Variants in NTF3 observed in about 807,000 individuals in gnomAD.
NTF3 encodes the protein neurotrophin-3.
A neutral mutation model predicts 26.3 loss-of-function variants in NTF3; 8 were observed. The observed-to-expected ratio is 0.30, with a 90% confidence interval of 0.18 to 0.55. The LOEUF is 0.55. Ranked by LOEUF, NTF3 falls within the 20% of genes least tolerant of loss-of-function variation. The pLI, the probability that NTF3 is intolerant of heterozygous loss-of-function variation, is 0.93. For synonymous variants in NTF3, 154 were observed against 145.5 expected (o/e 1.06, Z -0.42); for missense variants, 276 against 352.9 (o/e 0.78, Z 1.75).
At chr12:5,453,492 G>T (rs1316913042) in intron 1 of NTF3, among the ~76,000 whole-genome samples, 1 of 152,048 alleles carries the variant, frequency 6.6e-6, no homozygotes, top group Non-Finnish European at 1.5e-5. Context: ...CAGTTTATTT[G>T]TTCCAGTTGG....
chr12:5,463,559 G>C (rs1434213080), intron 1 of NTF3, among the ~76,000 whole-genome samples: 1 of 152,166 alleles, frequency 6.6e-6, no homozygotes, highest in Non-Finnish European at 1.5e-5. Flanking sequence ...AGGAGGGACA[G>C]ACAGAAGGAA....
chr12:5,486,540 T>C (rs936422088), intron 1 of NTF3, among the ~76,000 whole-genome samples: 1 of 152,228 alleles, frequency 6.6e-6, no homozygotes, highest in Non-Finnish European at 1.5e-5. Context: ...TACAGTTGTA[T>C]AGCATTTTGC....
In NTF3 at chr12:5,494,523, G is replaced by A. The variant is rs547929204; in HGVS notation, c.348G>A (p.Arg116=). The change falls in exon 2 of 2, where the codon CGG becomes CGA. Residue 116 remains arginine, a synonymous_variant. Coordinates refer to ENST00000423158, the MANE Select transcript of NTF3 (RefSeq NM_001102654.2). This position sits in a 1 kb window ranked among gnomAD's most constrained non-coding sequence, Gnocchi z 8.3. ...AACAGAGACGCTACAACTCACCGCG[G>A]GTCCTGCTGAGCGACAGCACCCCCT... ...LRQQRRYNSP[R]VLLSDSTPLE... is the part of the protein sequence containing the mutation. 1 of 1,614,000 alleles carries A rather than the reference G, an allele frequency of 6.2e-7. No individual in the cohort carries two copies. Among genetic ancestry groups the A allele is most frequent in the Non-Finnish European group, 8.5e-7 (1 of 1,180,016 alleles).
chr12:5,431,963 G>GT (rs978303702), upstream of NTF3: 3 of 113,944 alleles, frequency 2.6e-5, no homozygotes, highest in African/African-American at 9.6e-5. Flanking sequence ...AGTGAGGGCG[G>GT]GGGGGGGGCT....
intron 1 of NTF3, among the ~76,000 whole-genome samples, chr12:5,435,505 TG>T (rs1350455030): frequency 6.6e-6 from 1 of 152,136 alleles, no homozygotes; most frequent in East Asian, 1.9e-4. Flanking sequence ...TTGTAAAAAG[TG>T]GGGCATAAAG....
At chr12:5,490,214 G>A (rs993512338) in intron 1 of NTF3, among the ~76,000 whole-genome samples, 6 of 152,180 alleles carry the variant, frequency 3.9e-5, no homozygotes, top group African/African-American at 1.2e-4. Context: ...CCAAAACCAG[G>A]CTTGGCAAAA....
intron 1 of NTF3, among the ~76,000 whole-genome samples, chr12:5,446,042 T>C (rs1021475377): frequency 3.3e-5 from 5 of 152,140 alleles, no homozygotes; most frequent in African/African-American, 4.8e-5. Context: ...CCAGCATCCA[T>C]AGGGCAGTAA....
chr12:5,453,640 G>A (rs1940402086), intron 1 of NTF3, among the ~76,000 whole-genome samples: 1 of 152,232 alleles, frequency 6.6e-6, no homozygotes, highest in Non-Finnish European at 1.5e-5. Flanking sequence ...GTTTTGGGTA[G>A]TGAGAGGATT....
intron 1 of NTF3, among the ~76,000 whole-genome samples, chr12:5,481,545 AC>A (rs1940798223): frequency 7.3e-6 from 1 of 136,172 alleles, no homozygotes; most frequent in Non-Finnish European, 1.6e-5. Flanking sequence ...TTCACAGAAT[AC>A]ATATATGCAC....
chr12:5,470,092 T>G (rs1940645626), intron 1 of NTF3, among the ~76,000 whole-genome samples: 1 of 152,104 alleles, frequency 6.6e-6, no homozygotes, highest in South Asian at 2.1e-4. Context: ...GCCTGGCTAA[T>G]TTTTTGTATT....
At chr12:5,480,959 CAT>C (rs1041251851) in intron 1 of NTF3, among the ~76,000 whole-genome samples, 61 of 152,142 alleles carry the variant, frequency 4.0e-4, no homozygotes, top group African/African-American at 1.4e-3. Flanking sequence ...CCTGTCCTCA[CAT>C]GTTTCCAGTT....
chr12:5,468,935 A>G (rs1294183883), intron 1 of NTF3, among the ~76,000 whole-genome samples: 2 of 152,196 alleles, frequency 1.3e-5, no homozygotes, highest in Non-Finnish European at 2.9e-5. Flanking sequence ...AGCCTGGGCA[A>G]CATGGCAAAA....
In NTF3 at chr12:5,432,309, C is replaced by T; in HGVS notation, c.-16C>T. 6.2e-7 allele frequency: 1 copy of T among 1,613,178 alleles called. No homozygotes were observed. Among genetic ancestry groups the T allele is most frequent in the Non-Finnish European group, 8.5e-7 (1 of 1,179,744 alleles). ...CTCTTCATGTCGACGTCCCTGGAAACGGCCACACGGATGCCATGGTTACTT... is the reference window on the plus strand; with the variant it reads ...CTCTTCATGTCGACGTCCCTGGAAATGGCCACACGGATGCCATGGTTACTT... On this transcript the variant is annotated 5_prime_UTR_variant, in exon 1 of 2. In the 5' UTR this introduces an upstream ATG that the reference lacks. Transcript: ENST00000423158.
rs1462517026 is a variant in NTF3 at position 5,494,292 on chromosome 12, G to C, written c.117G>C (p.Leu39Phe). 1.9e-6 allele frequency: 3 copies of C among 1,614,114 alleles called. No individual in the cohort carries two copies. In the Admixed American group the frequency reaches 5.0e-5, roughly 27 times the overall value. The stretch of plus-strand genomic sequence containing the variant: ...GTAACAACATGGATCAAAGGAGTTT[G>C]CCAGAAGACTCGCTCAATTCCCTCA... ...IQGNNMDQRS[L>F]PEDSLNSLII... Residue 39 changes from leucine to phenylalanine, a missense_variant, in exon 2 of 2, where the codon TTG (leucine) becomes TTC (phenylalanine). Around this residue, in one of 3 missense-constraint regions of NTF3, gnomAD observed 221 missense variants for 258.2 expected, o/e 0.86. Coordinates refer to ENST00000423158, the MANE Select transcript of NTF3 (RefSeq NM_001102654.2). The surrounding 1 kb of genome is among the most constrained non-coding windows in gnomAD (Gnocchi z 8.3).
intron 1 of NTF3, among the ~76,000 whole-genome samples, chr12:5,457,788 A>G (rs1363209472): frequency 6.6e-6 from 1 of 151,898 alleles, no homozygotes; most frequent in Non-Finnish European, 1.5e-5. Flanking sequence ...ATTGTCTTTC[A>G]CCTTAATAAA....
rs185449957 is a variant in NTF3, at chr12:5,480,718, G to A, written c.19-13476G>A. ...CCACGGAGGAGGTGACCAGAAAAGT[G>A]AGTGCAAACGTTTCATGCCGAGAGT... On this transcript the variant is annotated intron_variant, in intron 1 of 1. Transcript: ENST00000423158. Among the ~76,000 whole-genome samples, 446 of 150,898 alleles carry A rather than the reference G, an allele frequency of 3.0e-3. 7 individuals are homozygous for A. The highest frequency in any genetic ancestry group is 0.01 in the African/African-American group (418 of 41,200).
At chr12:5,487,917 C>T (rs145323252) in intron 1 of NTF3, among the ~76,000 whole-genome samples, 230 of 152,282 alleles carry the variant, frequency 1.5e-3, no homozygotes, top group African/African-American at 4.9e-3. Context: ...AGAGCATGTG[C>T]GTCAGCAGGT....
chr12:5,431,427 GC>G (rs912037202), upstream of NTF3, among the ~76,000 whole-genome samples: 11 of 152,210 alleles, frequency 7.2e-5, no homozygotes, highest in Non-Finnish European at 1.3e-4. Context: ...CGGACCACCC[GC>G]CCCCACGCCC....
intron 1 of NTF3, among the ~76,000 whole-genome samples, chr12:5,487,046 C>T (rs951451074): frequency 6.6e-6 from 1 of 152,180 alleles, no homozygotes; most frequent in Non-Finnish European, 1.5e-5. Context: ...CTCAGATTTT[C>T]TCTGCAGATC....
Sources: gnomAD v4.1 joint callset for allele counts (sites outside exome capture counted in the v4.1 genomes callset) on GRCh38, gnomAD v4.1.1 for gene constraint, gnomAD v4.1.1 regional missense constraint, Gnocchi (gnomAD v3.1) non-coding constraint, MANE v1.5 for transcripts, NCBI Gene and HGNC (gene_info 2026-07-23, HGNC 2026-07-21) for gene names.